The following MEGF10 variants were observed in gnomAD, a reference collection of about 807,000 sequenced individuals.
MEGF10 encodes multiple EGF like domains 10.
In MEGF10, 86 loss-of-function variants were observed where a neutral mutation model predicts 147.5. The observed-to-expected ratio is 0.58, with a 90% CI of 0.49 to 0.70. MEGF10 has a LOEUF of 0.70. Ranked by LOEUF, MEGF10 falls within the 30% of genes least tolerant of loss-of-function variation. The pLI is 0.00. For missense variants in MEGF10, 1,329 were observed against 1,487.3 expected (o/e 0.89, Z 1.75); for synonymous variants, 478 against 525.5 (o/e 0.91, Z 1.24).
intron 5 of MEGF10, among the ~76,000 whole-genome samples, chr5:127,373,252 A>T (rs534799876): frequency 9.9e-5 from 15 of 152,242 alleles, no homozygotes; most frequent in African/African-American, 3.4e-4. Flanking sequence ...CCTGGGTTCA[A>T]GCAATTCTCA....
At chr5:127,278,760 G>A in the MEGF10 span, among the ~76,000 whole-genome samples, 1 of 152,196 alleles carries the variant, frequency 6.6e-6, no homozygotes, top group African/African-American at 2.4e-5. Flanking sequence ...AATTGCTTCA[G>A]TTTTCTCAGT....
the MEGF10 span, among the ~76,000 whole-genome samples, chr5:127,260,292 G>A: frequency 6.6e-6 from 1 of 152,192 alleles, no homozygotes; most frequent in African/African-American, 2.4e-5. Flanking sequence ...GGTTCTCTGT[G>A]TTTCTCTACA....
At chr5:127,275,673 G>A in the MEGF10 span, among the ~76,000 whole-genome samples, 2 of 152,140 alleles carry the variant, frequency 1.3e-5, no homozygotes, top group African/African-American at 2.4e-5. Context: ...ACACTTCTCA[G>A]GCTTCTGGCC....
chr5:127,297,033 C>T (rs1343636014), intron 1 of MEGF10, among the ~76,000 whole-genome samples: 1 of 152,162 alleles, frequency 6.6e-6, no homozygotes, highest in Non-Finnish European at 1.5e-5. Context: ...ATGGCGCAAT[C>T]TCAACTCACT....
chr5:127,231,848 T>C, the MEGF10 span, among the ~76,000 whole-genome samples: 6 of 152,124 alleles, frequency 3.9e-5, no homozygotes, highest in African/African-American at 1.4e-4. Flanking sequence ...ATCAGGAGAA[T>C]GGAGAATGTG....
chr5:127,391,089 C>CGCGCGCGCGCGT (rs1561614516), intron 5 of MEGF10, among the ~76,000 whole-genome samples: 1 of 22,620 alleles, frequency 4.4e-5, no homozygotes, highest in Non-Finnish European at 1.7e-4. Flanking sequence ...TACACACATG[C>CGCGCGCGCGCGT]GCGCGCGCGC....
intron 13 of MEGF10, among the ~76,000 whole-genome samples, chr5:127,427,784 A>G (rs1312975722): frequency 6.6e-6 from 1 of 152,218 alleles, no homozygotes; most frequent in Admixed American, 6.5e-5. Context: ...TCCTTTGTCC[A>G]GTGACATATA....
At chr5:127,296,432 C>T (rs1759505068) in intron 1 of MEGF10, among the ~76,000 whole-genome samples, 1 of 152,190 alleles carries the variant, frequency 6.6e-6, no homozygotes, top group Non-Finnish European at 1.5e-5. Context: ...ATAAATTGTA[C>T]CCCTTCCCAC....
chr5:127,330,722 G>T (rs1164187490), intron 1 of MEGF10, among the ~76,000 whole-genome samples: 1 of 152,144 alleles, frequency 6.6e-6, no homozygotes, highest in Non-Finnish European at 1.5e-5. Context: ...TAAGTTATAA[G>T]TATCTTAACA....
intron 1 of MEGF10, among the ~76,000 whole-genome samples, chr5:127,295,947 C>T (rs1027983812): frequency 6.6e-6 from 1 of 152,166 alleles, no homozygotes; most frequent in Non-Finnish European, 1.5e-5. Context: ...TTCTGCCAAC[C>T]TTTGGAAGTC....
intron 1 of MEGF10, among the ~76,000 whole-genome samples, chr5:127,312,131 G>T (rs769961979): frequency 6.6e-6 from 1 of 152,076 alleles, no homozygotes; most frequent in Non-Finnish European, 1.5e-5. Flanking sequence ...CCTTTTCATG[G>T]TCTCCAGGGA....
intron 13 of MEGF10, chr5:127,424,452 A>G: frequency 1.7e-6 from 2 of 1,205,872 alleles, no homozygotes; most frequent in South Asian, 1.4e-5. Flanking sequence ...CTATAGATCA[A>G]TTTGGGGAAT....
At chr5:127,251,299 G>A in the MEGF10 span, among the ~76,000 whole-genome samples, 63 of 152,164 alleles carry the variant, frequency 4.1e-4, no homozygotes, top group African/African-American at 1.5e-3. Flanking sequence ...TCAGGGTTTA[G>A]TATAGTAAAG....
intron 13 of MEGF10, among the ~76,000 whole-genome samples, chr5:127,431,486 C>T (rs1054233396): frequency 2.0e-5 from 3 of 152,178 alleles, no homozygotes; most frequent in Non-Finnish European, 4.4e-5. Flanking sequence ...CAAGTCCCCA[C>T]CCTAACAAAA....
the MEGF10 span, among the ~76,000 whole-genome samples, chr5:127,235,729 C>G: frequency 6.6e-6 from 1 of 152,204 alleles, no homozygotes; most frequent in Non-Finnish European, 1.5e-5. Flanking sequence ...GCATGGAAAT[C>G]TGTCTCCATA....
chr5:127,439,383 G>A (rs1311599492), intron 17 of MEGF10, among the ~76,000 whole-genome samples: 1 of 151,594 alleles, frequency 6.6e-6, no homozygotes, highest in Non-Finnish European at 1.5e-5. Flanking sequence ...GCAAGAAGCT[G>A]AGGAGGACAG....
intron 13 of MEGF10, among the ~76,000 whole-genome samples, chr5:127,431,862 G>A (rs556042076): frequency 6.6e-6 from 1 of 152,200 alleles, no homozygotes; most frequent in Admixed American, 6.5e-5. Flanking sequence ...GTATAGGTGT[G>A]GATATAAATT....
chr5:127,374,313 C>T (rs923961697), intron 5 of MEGF10, among the ~76,000 whole-genome samples: 5 of 152,176 alleles, frequency 3.3e-5, no homozygotes, highest in African/African-American at 4.8e-5. Flanking sequence ...GTCTCTCTAG[C>T]GCCCCCTATT....
At chr5:127,294,523 G>A (rs954189069) in intron 1 of MEGF10, among the ~76,000 whole-genome samples, 1 of 152,170 alleles carries the variant, frequency 6.6e-6, no homozygotes. Context: ...GTGGGGCTGG[G>A]CATGGTGCCT....
Sources: gnomAD v4.1 joint callset for allele counts (sites outside exome capture counted in the v4.1 genomes callset) on GRCh38, gnomAD v4.1.1 for gene constraint, MANE v1.5 for transcripts, NCBI Gene and HGNC (gene_info 2026-07-23, HGNC 2026-07-21) for gene names.